The following ZNF671 variants were observed in gnomAD, a reference collection of about 807,000 sequenced individuals.
The protein encoded by ZNF671 is hypothetical protein FLJ23506.
Under a neutral mutation model 16.6 loss-of-function variants are expected in ZNF671, and 19 were observed. The ratio of observed to expected loss-of-function variants is 1.14; its 90% confidence interval spans 0.80 to 1.68. The LOEUF is 1.68. Ranked by LOEUF, ZNF671 falls within the 40% of genes most tolerant of loss-of-function variation. ZNF671 has a pLI of 0.00. For missense variants in ZNF671, 637 were observed against 659.8 expected (o/e 0.97, Z 0.38); for synonymous variants, 238 against 236.3 (o/e 1.01, Z -0.06).
chr19:57,721,620 T>C lies in ZNF671; in HGVS notation c.466A>G (p.Thr156Ala), dbSNP rs1445862416. Residue 156 changes from threonine (T) to alanine (A), a missense_variant, in exon 4 of 4, where the codon ACT (threonine) becomes GCT (alanine). Transcript: ENST00000317398. ...TGAGACTCCAGCTCTGCCATGAGAGTCCTGACCTCTGACACTCCTGCTACA... is the reference window on the plus strand; with the variant it reads ...TGAGACTCCAGCTCTGCCATGAGAGCCCTGACCTCTGACACTCCTGCTACA... ...IFVAGVSEVR[T>A]LMAELESHPC... is the part of the protein sequence containing the mutation. 2 of 1,613,966 alleles carry C rather than the reference T, an allele frequency of 1.2e-6. No individual in the cohort carries two copies. Among genetic ancestry groups the C allele is most frequent in the Non-Finnish European group, 1.7e-6 (2 of 1,180,026 alleles).
intron 1 of ZNF671, among the ~76,000 whole-genome samples, chr19:57,724,129 ATTG>A (rs919593097): frequency 6.6e-6 from 1 of 151,796 alleles, no homozygotes; most frequent in East Asian, 1.9e-4. Flanking sequence ...GGAAAGCCCT[ATTG>A]TTGCTCTGAA....
Position 57,727,594 on chromosome 19 carries a change from G to C in ZNF671, c.-66C>G. 6.5e-7 allele frequency: 1 copy of C among 1,537,494 alleles called. No individual in the cohort carries two copies. The highest frequency in any genetic ancestry group is 8.8e-7 in the Non-Finnish European group (1 of 1,136,430). On this transcript the variant is annotated 5_prime_UTR_variant, in exon 1 of 4. Transcript: ENST00000317398. ...CAAGCGTTACAGAACCCCGGCCAGG[G>C]ACAGCCTGACAGAAACAAAATGTCC... is the stretch of plus-strand genomic sequence containing the variant.
rs1483805485 is a variant in ZNF671 at position 57,721,194 on chromosome 19, C to G, written c.892G>C (p.Asp298His). The G allele has an allele frequency of 6.2e-7, 1 of 1,611,696 alleles. No individual in the cohort carries two copies. Among genetic ancestry groups the G allele is most frequent in the African/African-American group, 1.3e-5 (1 of 74,980 alleles). The change falls in exon 4 of 4, where the codon GAC becomes CAC. Residue 298 changes from aspartate to histidine, a missense_variant. Physicochemically the swap from Asp to His is moderately conservative, Grantham distance 81. Transcript: ENST00000317398. ...ATTCTCTGATGCCGAGCAAGTGTGTCTTTGCGGGTGAAGGCTTTCCCACAT... is the reference window on the plus strand; with the variant it reads ...ATTCTCTGATGCCGAGCAAGTGTGTGTTTGCGGGTGAAGGCTTTCCCACAT... ...GECGKAFTRKDTLARHQRIHT... is the reference protein window; with the variant it reads ...GECGKAFTRKHTLARHQRIHT...
rs781267140 is a variant in ZNF671, at chr19:57,720,980, TAG to T, written c.1104_1105del (p.Tyr369SerfsTer10). The T allele has an allele frequency of 5.0e-6, 8 of 1,614,068 alleles. No individual in the cohort carries two copies. The East Asian group carries it at 6.7e-5, about 13-fold the overall frequency. ...AAATTTCCCACATTTGCCACACTGA[TAG>T]AGTCTTTCACCCGTGTGAACTCGCC... is the stretch of plus-strand genomic sequence containing the variant. On this transcript the variant is annotated frameshift_variant, in exon 4 of 4. Coordinates refer to ENST00000317398, the MANE Select transcript of ZNF671 (RefSeq NM_024833.3). LOFTEE classifies it low-confidence loss of function (END_TRUNC).
In ZNF671 at chr19:57,720,607, G is replaced by A; in HGVS notation, c.1479C>T (p.Asn493=). 6.2e-7 allele frequency: 1 copy of A among 1,614,080 alleles called. No homozygotes were observed. The highest frequency in any genetic ancestry group is 8.5e-7 in the Non-Finnish European group (1 of 1,180,012). The change falls in exon 4 of 4, where the codon AAC becomes AAT. Residue 493 remains asparagine (N), a synonymous_variant. Coordinates refer to ENST00000317398, the MANE Select transcript of ZNF671 (RefSeq NM_024833.3). ...TGTGGACTTTCCAGTGCCTGATGAG[G>A]TTGGGTCTTTGAGTGAAGGCTTTCC... The part of the protein sequence containing the change: ...KCGKAFTQRP[N]LIRHWKVHTG...
chr19:57,723,720 TC>T (rs1246984414), intron 1 of ZNF671, among the ~76,000 whole-genome samples: 1 of 150,782 alleles, frequency 6.6e-6, no homozygotes, highest in South Asian at 2.1e-4. Context: ...ATCTCCAGCT[TC>T]CCCCCCACCC....
chr19:57,721,127 T>A lies in ZNF671; in HGVS notation c.959A>T (p.Lys320Ile). 2 of 1,614,082 alleles carry A rather than the reference T, an allele frequency of 1.2e-6. No individual in the cohort carries two copies. The highest frequency in any genetic ancestry group is 1.7e-6 in the Non-Finnish European group (2 of 1,180,008). ...ERPYECNECG[K>I]FFSQSYDLFK... The stretch of plus-strand genomic sequence containing the variant: ...GAGGTCATAGCTTTGGCTGAAGAAT[T>A]TCCCACATTCGTTACACTCATAAGG... The change falls in exon 4 of 4, where the codon AAA (lysine) becomes ATA (isoleucine). Residue 320 changes from lysine to isoleucine, a missense_variant. By Grantham distance (102) the Lys-to-Ile change is moderately radical. Transcript: ENST00000317398.
At chr19:57,722,061 A>G in intron 3 of ZNF671, 1 of 572,120 alleles carries the variant, frequency 1.7e-6, no homozygotes, top group Non-Finnish European at 3.0e-6. Flanking sequence ...TCTTGTGAAC[A>G]TTAATTGCAG....
chr19:57,725,943 AT>A (rs1456564766), intron 1 of ZNF671, among the ~76,000 whole-genome samples: 2 of 151,270 alleles, frequency 1.3e-5, no homozygotes, highest in African/African-American at 4.9e-5. Context: ...CAAAAAAAAA[AT>A]AAATAAATAA....
intron 3 of ZNF671, 124 bp from the exon 4 acceptor site, chr19:57,721,821 T>C (rs1985886520): frequency 7.5e-7 from 1 of 1,339,936 alleles, no homozygotes; most frequent in Non-Finnish European, 1.0e-6. Context: ...ATGAGAGGCA[T>C]GGTCAGAGTG....
intron 3 of ZNF671, 66 bp downstream of exon 3, chr19:57,722,250 G>C: frequency 1.3e-6 from 2 of 1,598,480 alleles, no homozygotes; most frequent in Non-Finnish European, 1.7e-6. Context: ...ACACTGATGT[G>C]AACAGTTAAT....
At chr19:57,722,220 G>T in intron 3 of ZNF671, 96 bp downstream of exon 3, 1 of 1,538,892 alleles carries the variant, frequency 6.5e-7, no homozygotes, top group African/African-American at 1.4e-5. Flanking sequence ...ACGCTGTGTG[G>T]CCACTGGCCC....
At chr19:57,722,992 G>A (rs555009054) in intron 2 of ZNF671, among the ~76,000 whole-genome samples, 8 of 152,192 alleles carry the variant, frequency 5.3e-5, no homozygotes, top group Admixed American at 2.0e-4. Context: ...TACAGAAAGC[G>A]AACAGACCTA....
At chr19:57,723,462 A>G (rs1023237253) in intron 1 of ZNF671, 122 bp from the exon 2 acceptor site, 24 of 1,125,714 alleles carry the variant, frequency 2.1e-5, no homozygotes, top group Non-Finnish European at 3.0e-5. Flanking sequence ...ACCAGGCACT[A>G]GTACCACTGA....
At position 57,722,364 on chromosome 19, in the gene ZNF671, C is replaced by A. The variant is rs1705783536; in HGVS notation, c.340G>T (p.Asp114Tyr). 2 of 1,614,042 alleles carry A rather than the reference C, an allele frequency of 1.2e-6. No homozygotes were observed. The highest frequency in any genetic ancestry group is 3.3e-5 in the Admixed American group (2 of 60,000). Residue 114 changes from aspartate to tyrosine, a missense_variant, in exon 3 of 4, where the codon GAT (aspartate) becomes TAT (tyrosine). Transcript: ENST00000317398. The part of the protein sequence containing the change: ...GEEPWVYDQV[D>Y]MTSATEREAQ... ...TCTCTTTCTGTGGCTGAAGTCATAT[C>A]CACCTGGTCATACACCCAGGGCTCT...
chr19:57,720,478 C>A lies in ZNF671; in HGVS notation c.*3G>T. The stretch of plus-strand genomic sequence containing the variant: ...AAGACTTTCCCCCACATTTGCTACA[C>A]TCTTAAAGCTTTTCTCCAGCATGAA... On this transcript the variant is annotated 3_prime_UTR_variant, in exon 4 of 4. Coordinates refer to ENST00000317398, the MANE Select transcript of ZNF671 (RefSeq NM_024833.3). 1 of 1,611,046 alleles carries A rather than the reference C, an allele frequency of 6.2e-7. No homozygotes were observed. Among genetic ancestry groups the A allele is most frequent in the Non-Finnish European group, 8.5e-7 (1 of 1,177,632 alleles).
At chr19:57,726,636 C>T (rs1253539193) in intron 1 of ZNF671, among the ~76,000 whole-genome samples, 1 of 152,124 alleles carries the variant, frequency 6.6e-6, no homozygotes, top group Non-Finnish European at 1.5e-5. Context: ...TTGACCTACT[C>T]CAGACCGCTC....
Position 57,720,443 on chromosome 19 carries a change from G to T in ZNF671, c.*38C>A. The T allele has an allele frequency of 6.3e-7, 1 of 1,589,852 alleles. No individual in the cohort carries two copies. Among genetic ancestry groups the T allele is most frequent in the Non-Finnish European group, 8.6e-7 (1 of 1,164,774 alleles). ...TTCCCCACCATATAGTAAGTCAGGG[G>T]CATTGGCCTAAGACTTTCCCCCACA... On this transcript the variant is annotated 3_prime_UTR_variant, in exon 4 of 4. Coordinates refer to ENST00000317398, the MANE Select transcript of ZNF671 (RefSeq NM_024833.3).
rs1330984756 is a variant in ZNF671 at position 57,720,713 on chromosome 19, T to C, written c.1373A>G (p.Lys458Arg). 3.1e-6 allele frequency: 5 copies of C among 1,614,176 alleles called. No individual in the cohort carries two copies. Among genetic ancestry groups the C allele is most frequent in the Admixed American group, 1.7e-5 (1 of 60,026 alleles). The change falls in exon 4 of 4, where the codon AAA becomes AGA. Residue 458 changes from lysine (K) to arginine (R), a missense_variant. Physicochemically the swap from Lys to Arg is conservative, Grantham distance 26. Transcript: ENST00000317398. The stretch of plus-strand genomic sequence containing the variant: ...GAGTTTGGAGATGCAGCTGAAAGCT[T>C]TACCACATCTGCTACACTCATAATC... ...SSDYECSRCG[K>R]AFSCISKLIQ... is the part of the protein sequence containing the mutation.
Sources: gnomAD v4.1 joint callset for allele counts (sites outside exome capture counted in the v4.1 genomes callset) on GRCh38, gnomAD v4.1.1 for gene constraint, MANE v1.5 for transcripts, NCBI Gene and HGNC (gene_info 2026-07-23, HGNC 2026-07-21) for gene names.